The following PSD3 variants were observed in gnomAD, a reference collection of about 807,000 sequenced individuals.
PSD3 encodes pleckstrin and Sec7 domain containing 3.
A neutral mutation model predicts 105.5 loss-of-function variants in PSD3; 49 were observed. The observed-to-expected ratio is 0.46, with a 90% confidence interval of 0.37 to 0.59. The LOEUF is 0.59. PSD3 is among the 20% of genes least tolerant of loss of function. The pLI is 0.00. For synonymous variants in PSD3, 557 were observed against 457.8 expected (o/e 1.22, Z -2.77); for missense variants, 1,561 against 1,263.8 (o/e 1.24, Z -3.57).
intron 9 of PSD3, among the ~76,000 whole-genome samples, chr8:18,682,323 A>T (rs566359072): frequency 6.6e-6 from 1 of 152,256 alleles, no homozygotes; most frequent in Admixed American, 6.5e-5. Flanking sequence ...GACGTCTCTT[A>T]GTGCTCTTAT....
At chr8:18,904,750 C>T (rs1819731804) in intron 2 of PSD3, among the ~76,000 whole-genome samples, 2 of 152,200 alleles carry the variant, frequency 1.3e-5, no homozygotes, top group African/African-American at 2.4e-5. Flanking sequence ...CCTTTCTGGG[C>T]CATAAGGTCT....
chr8:18,788,632 A>G (rs765033870), intron 8 of PSD3, among the ~76,000 whole-genome samples: 1 of 152,196 alleles, frequency 6.6e-6, no homozygotes, highest in African/African-American at 2.4e-5. Flanking sequence ...AGCTTTGCGG[A>G]AAACGTGCTT....
At chr8:18,552,423 A>G (rs1382629401) in intron 15 of PSD3, among the ~76,000 whole-genome samples, 1 of 152,222 alleles carries the variant, frequency 6.6e-6, no homozygotes, top group East Asian at 1.9e-4. Flanking sequence ...GAAGAAACAT[A>G]AAACCAAAAC....
chr8:18,755,361 T>C lies in PSD3; in HGVS notation c.2172+10088A>G, dbSNP rs536629582. On this transcript the variant is annotated intron_variant, in intron 9 of 15. Transcript: ENST00000327040. Reference sequence around the variant, plus strand: ...AGGAGAATCGCCTGAACCTAGGAGGTAGAGGTTGCAGTGAGCCGAGATTGT... The same window carrying C: ...AGGAGAATCGCCTGAACCTAGGAGGCAGAGGTTGCAGTGAGCCGAGATTGT... Among the ~76,000 whole-genome samples, 9 of 151,886 alleles carry C rather than the reference T, an allele frequency of 5.9e-5. No individual in the cohort carries two copies. In the East Asian group the frequency reaches 1.4e-3, roughly 23 times the overall value.
At chr8:18,946,040 A>G (rs1047829518) in intron 1 of PSD3, among the ~76,000 whole-genome samples, 1 of 152,244 alleles carries the variant, frequency 6.6e-6, no homozygotes, top group African/African-American at 2.4e-5. Flanking sequence ...GCTTTCAAGT[A>G]CAAATGAGTC....
intron 8 of PSD3, among the ~76,000 whole-genome samples, chr8:18,768,912 A>T (rs1807255875): frequency 6.6e-6 from 1 of 152,238 alleles, no homozygotes; most frequent in South Asian, 2.1e-4. Flanking sequence ...TAACTTATTT[A>T]GTAGATATTT....
At chr8:18,773,655 T>C (rs567685431) in intron 8 of PSD3, among the ~76,000 whole-genome samples, 1 of 152,328 alleles carries the variant, frequency 6.6e-6, no homozygotes, top group Admixed American at 6.5e-5. Flanking sequence ...GCAGCATGGT[T>C]TGATAAGTTT....
intron 1 of PSD3, among the ~76,000 whole-genome samples, chr8:19,060,214 T>C (rs1158744800): frequency 6.6e-6 from 1 of 152,134 alleles, no homozygotes; most frequent in Non-Finnish European, 1.5e-5. Flanking sequence ...TGGATTCAGG[T>C]GACTAGAGGA....
intron 11 of PSD3, among the ~76,000 whole-genome samples, chr8:18,615,324 A>C (rs13282969): frequency 0.61 from 92,787 of 151,642 alleles, 28,563 homozygotes; most frequent in Middle Eastern, 0.78. Flanking sequence ...TAAATTAGTC[A>C]ATCGGAATTA....
intron 1 of PSD3, among the ~76,000 whole-genome samples, chr8:18,991,833 T>G (rs1370435285): frequency 6.6e-6 from 1 of 152,174 alleles, no homozygotes; most frequent in Admixed American, 6.5e-5. Context: ...ATTATCAAAA[T>G]AATGGCTGTG....
At chr8:18,692,271 A>G (rs527245988) in intron 9 of PSD3, among the ~76,000 whole-genome samples, 177 of 152,340 alleles carry the variant, frequency 1.2e-3, no homozygotes, top group Middle Eastern at 6.8e-3. Flanking sequence ...ACATTAATCA[A>G]TCAATAAGTA....
chr8:19,061,437 C>T (rs965567180), intron 1 of PSD3, among the ~76,000 whole-genome samples: 17 of 152,110 alleles, frequency 1.1e-4, no homozygotes, highest in African/African-American at 4.1e-4. Context: ...AAATACTGTG[C>T]TTGAATCAGG....
chr8:18,550,185 G>T, intron 15 of PSD3, among the ~76,000 whole-genome samples: 1 of 152,138 alleles, frequency 6.6e-6, no homozygotes, highest in East Asian at 1.9e-4. Context: ...TCACATGATT[G>T]GCTGCTTATT....
chr8:18,940,639 G>C (rs1164624207), intron 1 of PSD3, among the ~76,000 whole-genome samples: 2 of 152,110 alleles, frequency 1.3e-5, no homozygotes, highest in Non-Finnish European at 2.9e-5. Flanking sequence ...GTTGACTTCT[G>C]ATTAACCCCA....
intron 9 of PSD3, among the ~76,000 whole-genome samples, chr8:18,755,429 C>CCATAACATAACAT (rs1554490327): frequency 1.5e-5 from 2 of 136,786 alleles, no homozygotes; most frequent in African/African-American, 5.5e-5. Context: ...GACCCTGTCT[C>CCATAACATAACAT]AACATAACAT....
At chr8:18,612,544 T>A (rs1805343050) in intron 11 of PSD3, among the ~76,000 whole-genome samples, 2 of 152,050 alleles carry the variant, frequency 1.3e-5, no homozygotes, top group Admixed American at 6.5e-5. Flanking sequence ...GATAATGTTG[T>A]TGTATTTTAG....
chr8:18,680,940 T>C (rs1362702767), intron 9 of PSD3, among the ~76,000 whole-genome samples: 4 of 152,156 alleles, frequency 2.6e-5, no homozygotes, highest in Non-Finnish European at 5.9e-5. Flanking sequence ...CAAATGAATA[T>C]GAATAAATCA....
At chr8:18,912,468 T>C (rs755433047) in intron 2 of PSD3, among the ~76,000 whole-genome samples, 25 of 152,188 alleles carry the variant, frequency 1.6e-4, no homozygotes, top group Non-Finnish European at 2.8e-4. Flanking sequence ...TTTCTAAGCT[T>C]TCAGAAGGAA....
chr8:18,947,873 C>T (rs61598718), intron 1 of PSD3, among the ~76,000 whole-genome samples: 3,922 of 152,148 alleles, frequency 0.026, 173 homozygotes, highest in African/African-American at 0.09. Flanking sequence ...AAAGCTAGGA[C>T]GGTACACATT....
Sources: allele counts gnomAD v4.1 joint callset (sites outside exome capture counted in the v4.1 genomes callset), GRCh38; gene constraint gnomAD v4.1.1; transcripts MANE v1.5; gene names NCBI Gene and HGNC (gene_info 2026-07-23, HGNC 2026-07-21).